The following ARHGAP32 variants were observed in gnomAD, a reference collection of about 807,000 sequenced individuals.
The protein encoded by ARHGAP32 is rho GTPase-activating protein 32.
A neutral mutation model predicts 186.5 loss-of-function variants in ARHGAP32; 51 were observed. The ratio of observed to expected loss-of-function variants is 0.27; its 90% CI spans 0.22 to 0.35. The LOEUF (loss-of-function observed/expected upper bound fraction) is 0.35. Ranked by LOEUF, ARHGAP32 falls within the 10% of genes least tolerant of loss-of-function variation. ARHGAP32 has a pLI of 1.00. For synonymous variants in ARHGAP32, 950 were observed against 964.3 expected (o/e 0.99, Z 0.27); for missense variants, 2,186 against 2,623.5 (o/e 0.83, Z 3.64).
chr11:129,235,336 T>TAGAAA (rs1263185047), intron 1 of ARHGAP32, among the ~76,000 whole-genome samples: 1 of 152,136 alleles, frequency 6.6e-6, no homozygotes, highest in East Asian at 1.9e-4. Context: ...TTACCTGCTC[T>TAGAAA]AGAATTTCAT....
chr11:128,973,058 T>C lies in ARHGAP32; in HGVS notation c.3448A>G (p.Thr1150Ala), dbSNP rs1343065223. The change falls in exon 22 of 23, where the codon ACT (threonine) becomes GCT (alanine). Residue 1150 changes from threonine (T) to alanine (A), a missense_variant. Transcript: ENST00000682385. ...TGGTGATGTTGCTCCCCAGATTCAG[T>C]TGTGTTGGAATGGGTAGGATCCCCA... ...ATGDPTHSNTTESGEQHHQVD... is the reference protein window; with the variant it reads ...ATGDPTHSNTAESGEQHHQVD... The C allele has an allele frequency of 1.2e-5, 19 of 1,613,920 alleles. No individual in the cohort carries two copies. Among genetic ancestry groups the C allele is most frequent in the East Asian group, 2.2e-5 (1 of 44,870 alleles).
At chr11:129,048,025 C>A (rs1444198271) in intron 10 of ARHGAP32, among the ~76,000 whole-genome samples, 1 of 152,098 alleles carries the variant, frequency 6.6e-6, no homozygotes, top group East Asian at 1.9e-4. Context: ...TACTTATAGC[C>A]TAGTAATTCT....
intron 1 of ARHGAP32, among the ~76,000 whole-genome samples, chr11:129,227,536 T>G (rs1461922596): frequency 6.6e-6 from 1 of 150,912 alleles, no homozygotes; most frequent in Non-Finnish European, 1.5e-5. Context: ...AAACACACTT[T>G]AAATATAAAG....
At chr11:129,046,448 C>T (rs1402364968) in intron 10 of ARHGAP32, among the ~76,000 whole-genome samples, 10 of 152,156 alleles carry the variant, frequency 6.6e-5, no homozygotes, top group Non-Finnish European at 1.2e-4. Flanking sequence ...CTGCGCCTAT[C>T]CACCTCTAAC....
intron 1 of ARHGAP32, among the ~76,000 whole-genome samples, chr11:129,251,761 T>C (rs1945187383): frequency 8.6e-6 from 1 of 116,502 alleles, no homozygotes; most frequent in Admixed American, 8.8e-5. Context: ...CCGACTCTAT[T>C]AAAAATACAA....
intron 2 of ARHGAP32, among the ~76,000 whole-genome samples, chr11:129,131,970 G>A (rs1302492249): frequency 2.6e-5 from 4 of 152,138 alleles, no homozygotes; most frequent in African/African-American, 4.8e-5. Flanking sequence ...GGGTACATGT[G>A]CAGGATGTGC....
At chr11:129,022,557 C>T (rs1938642060) in intron 11 of ARHGAP32, among the ~76,000 whole-genome samples, 2 of 152,194 alleles carry the variant, frequency 1.3e-5, no homozygotes, top group Admixed American at 1.3e-4. Context: ...AATTCTTTCA[C>T]TCACAATGGA....
intron 5 of ARHGAP32, among the ~76,000 whole-genome samples, chr11:129,103,166 CAT>C (rs1404283029): frequency 6.6e-6 from 1 of 152,108 alleles, no homozygotes; most frequent in Non-Finnish European, 1.5e-5. Context: ...CTTGATTCTA[CAT>C]ATGTGTGGTA....
chr11:129,131,932 TG>T (rs1488881762), intron 2 of ARHGAP32, among the ~76,000 whole-genome samples: 1 of 152,222 alleles, frequency 6.6e-6, no homozygotes, highest in Non-Finnish European at 1.5e-5. Context: ...AAGACTTTTT[TG>T]TTTTTAATTT....
intron 10 of ARHGAP32, among the ~76,000 whole-genome samples, chr11:129,059,419 T>G (rs1940396844): frequency 6.6e-6 from 1 of 152,060 alleles, no homozygotes; most frequent in Admixed American, 6.5e-5. Context: ...CCATGAGTGC[T>G]CTTAGAAATG....
At chr11:129,194,423 A>G (rs1208022497), upstream of ARHGAP32, among the ~76,000 whole-genome samples, 1 of 152,186 alleles carries the variant, frequency 6.6e-6, no homozygotes, top group African/African-American at 2.4e-5. Context: ...ATGAGAAAAC[A>G]AGGCAGCCCT....
At chr11:129,046,257 T>A (rs964587210) in intron 10 of ARHGAP32, among the ~76,000 whole-genome samples, 1 of 152,168 alleles carries the variant, frequency 6.6e-6, no homozygotes, top group African/African-American at 2.4e-5. Flanking sequence ...AGAGCATAAA[T>A]GGTAAAATGT....
At chr11:129,197,692 T>A (rs1944410385) in intron 1 of ARHGAP32, among the ~76,000 whole-genome samples, 1 of 152,188 alleles carries the variant, frequency 6.6e-6, no homozygotes, top group Admixed American at 6.5e-5. Context: ...AAGATTTTCC[T>A]CCAAATGTAT....
chr11:129,090,072 G>A (rs1334899970), intron 6 of ARHGAP32, among the ~76,000 whole-genome samples: 1 of 152,170 alleles, frequency 6.6e-6, no homozygotes, highest in Non-Finnish European at 1.5e-5. Flanking sequence ...ACTCATCTAT[G>A]AAATGGGAAT....
intron 1 of ARHGAP32, among the ~76,000 whole-genome samples, chr11:129,181,306 T>C (rs985017307): frequency 1.3e-5 from 2 of 152,172 alleles, no homozygotes; most frequent in African/African-American, 4.8e-5. Context: ...TTTGGTTTGT[T>C]AGTCAATTTT....
intron 6 of ARHGAP32, among the ~76,000 whole-genome samples, chr11:129,083,773 A>C (rs888830348): frequency 4.6e-5 from 7 of 152,198 alleles, no homozygotes; most frequent in Non-Finnish European, 7.3e-5. Flanking sequence ...GGTAACTAGA[A>C]AAAGAAGAGC....
At position 129,002,805 on chromosome 11, in the gene ARHGAP32, A is replaced by ATTTTTTTT. The variant is rs36036048; in HGVS notation, c.1046-4345_1046-4338dup. Among the ~76,000 whole-genome samples the ATTTTTTTT allele has an allele frequency of 1.3e-4, 14 of 108,076 alleles. 1 individual carries two copies. Among genetic ancestry groups the ATTTTTTTT allele is most frequent in the South Asian group, 3.0e-4 (1 of 3,318 alleles). 70.9% of individuals were successfully genotyped at this position (108,076 alleles called of 152,430 possible). ...GGGGTTTTATCATGAAGGGATGTTGATTTTTTTTTTTTTTTTTTTTTGAGA... is the reference window on the plus strand; with the variant it reads ...GGGGTTTTATCATGAAGGGATGTTGATTTTTTTTTTTTTTTTTTTTTTTTTTTTTGAGA... On this transcript the variant is annotated intron_variant, in intron 11 of 22. Coordinates refer to ENST00000682385, the MANE Select transcript of ARHGAP32 (RefSeq NM_001378024.1).
chr11:129,054,179 T>C (rs930323470), intron 10 of ARHGAP32, among the ~76,000 whole-genome samples: 6 of 151,480 alleles, frequency 4.0e-5, no homozygotes, highest in Non-Finnish European at 5.9e-5. Flanking sequence ...GATCATCTCA[T>C]GGAAAACCAA....
intron 1 of ARHGAP32, among the ~76,000 whole-genome samples, chr11:129,270,811 G>A (rs1945464462): frequency 1.3e-5 from 2 of 151,934 alleles, no homozygotes; most frequent in African/African-American, 4.8e-5. Flanking sequence ...TGAGAGCAGA[G>A]AAGCAGCCAG....
Sources: allele counts gnomAD v4.1 joint callset (sites outside exome capture counted in the v4.1 genomes callset), GRCh38; gene constraint gnomAD v4.1.1; transcripts MANE v1.5; gene names NCBI Gene and HGNC (gene_info 2026-07-23, HGNC 2026-07-21).